NIPAL2: variants seen among roughly 807,000 people sequenced by gnomAD.
The protein encoded by NIPAL2 is NIPA-like protein 2.
NIPAL2 carries 43 observed loss-of-function variants against 48.9 expected under a neutral mutation model. The ratio of observed to expected loss-of-function variants is 0.88; its 90% CI spans 0.69 to 1.13. The LOEUF (loss-of-function observed/expected upper bound fraction) is 1.13, where lower values mean the gene tolerates loss of function less well. Among genes scored for constraint, NIPAL2 ranks in the 50% most tolerant of loss-of-function variants. The pLI, the probability that NIPAL2 is intolerant of heterozygous loss-of-function variation, is 0.00. For missense variants in NIPAL2, 446 were observed against 461.4 expected, an observed-to-expected ratio of 0.97 and a Z score of 0.31; for synonymous variants, 167 against 174.6, an observed-to-expected ratio of 0.96 and a Z score of 0.34.
intron 5 of NIPAL2, among the ~76,000 whole-genome samples, chr8:98,215,167 TA>T (rs1382167570): frequency 1.3e-5 from 2 of 152,248 alleles, no homozygotes; most frequent in Non-Finnish European, 2.9e-5. Context: ...AGGTATTTGT[TA>T]TCAGTTCTAG....
Position 98,224,903 on chromosome 8 carries a change from C to T in NIPAL2, c.437-2303G>A, listed in dbSNP as rs377054055. 4.6e-5 allele frequency among the ~76,000 whole-genome samples: 7 copies of T among 151,842 alleles called. 1 individual carries two copies. Among genetic ancestry groups the T allele is most frequent in the East Asian group, 1.9e-4 (1 of 5,160 alleles). Reference sequence around the variant, plus strand: ...TCCCGAGTAGCTGGGACTACAAGCACGTGCCACCACGCCCAGCTAATTTTT... The same window carrying T: ...TCCCGAGTAGCTGGGACTACAAGCATGTGCCACCACGCCCAGCTAATTTTT... On this transcript the variant is annotated intron_variant, in intron 4 of 10. Transcript: ENST00000430223.
intron 1 of NIPAL2, among the ~76,000 whole-genome samples, chr8:98,269,764 A>C (rs769766803): frequency 3.3e-5 from 5 of 152,028 alleles, no homozygotes; most frequent in African/African-American, 1.2e-4. Flanking sequence ...AGATGCTGAG[A>C]TTTGGGCTCG....
Position 98,294,211 on chromosome 8 carries a change from G to A in NIPAL2, c.-74C>T. On this transcript the variant is annotated 5_prime_UTR_variant, in exon 1 of 11. Coordinates refer to ENST00000430223, the MANE Select transcript of NIPAL2 (RefSeq NM_001321635.2). ...CCCCGCCCTGTTGCACCGCGAGGAG[G>A]CCGCGCCGCAGCCACTTCCTGCTCG... is the stretch of plus-strand genomic sequence containing the variant. The A allele has an allele frequency of 1.7e-6, 2 of 1,210,104 alleles. No homozygotes were observed. The highest frequency in any genetic ancestry group is 7.7e-5 in the South Asian group (2 of 26,096). The allele number at this position is 1,210,104 out of a possible 1,614,324, so 75.0% of individuals were successfully genotyped here.
At chr8:98,283,670 C>A (rs1353829859) in intron 1 of NIPAL2, among the ~76,000 whole-genome samples, 2 of 152,196 alleles carry the variant, frequency 1.3e-5, no homozygotes, top group Non-Finnish European at 2.9e-5. Context: ...TCTGCAAAAG[C>A]TGGATGCTGT....
chr8:98,217,832 T>C (rs962530089), intron 5 of NIPAL2, among the ~76,000 whole-genome samples: 1 of 152,198 alleles, frequency 6.6e-6, no homozygotes, highest in Non-Finnish European at 1.5e-5. Context: ...CAAATATACT[T>C]TCTTTATCTT....
intron 1 of NIPAL2, among the ~76,000 whole-genome samples, chr8:98,264,863 C>G (rs1166142351): frequency 6.6e-6 from 1 of 152,030 alleles, no homozygotes; most frequent in African/African-American, 2.4e-5. Context: ...AGGCATCACA[C>G]TACCTGACTT....
chr8:98,195,629 A>G (rs1810504741), intron 9 of NIPAL2: 1 of 207,152 alleles, frequency 4.8e-6, no homozygotes. Context: ...GGGGTTCCCA[A>G]GAGCGAAGTA....
rs369654389 is a variant in NIPAL2 at position 98,283,214 on chromosome 8, A to T, written c.135+10789T>A. On this transcript the variant is annotated intron_variant, in intron 1 of 10. Coordinates refer to ENST00000430223, the MANE Select transcript of NIPAL2 (RefSeq NM_001321635.2). Reference sequence around the variant, plus strand: ...TCTTTGTTTTTAAAAACAAAATTTCATTAAGAATAAGCCTGAGTTTTACTA... The same window carrying T: ...TCTTTGTTTTTAAAAACAAAATTTCTTTAAGAATAAGCCTGAGTTTTACTA... Among the ~76,000 whole-genome samples the T allele has an allele frequency of 1.8e-4, 28 of 152,348 alleles. No individual in the cohort carries two copies. The East Asian group carries it at 5.2e-3, about 28-fold the overall frequency.
intron 1 of NIPAL2, among the ~76,000 whole-genome samples, chr8:98,272,702 C>T (rs1190749328): frequency 6.6e-6 from 1 of 151,580 alleles, no homozygotes; most frequent in Non-Finnish European, 1.5e-5. Context: ...GCAATCTCCA[C>T]CTCCCGGGTT....
chr8:98,259,070 CTTTTTTTTT>C (rs869220202), intron 1 of NIPAL2, among the ~76,000 whole-genome samples: 1,132 of 41,888 alleles, frequency 0.027, 27 homozygotes, highest in African/African-American at 0.12. Flanking sequence ...TTAAATATTC[CTTTTTTTTT>C]TTTTTTTTTT....
intron 1 of NIPAL2, among the ~76,000 whole-genome samples, chr8:98,273,279 T>C (rs1815249663): frequency 6.6e-6 from 1 of 152,160 alleles, no homozygotes; most frequent in Non-Finnish European, 1.5e-5. Flanking sequence ...TCACAAATTA[T>C]ATGATTCTAT....
chr8:98,254,007 C>T lies in NIPAL2; in HGVS notation c.204+12G>A. The stretch of plus-strand genomic sequence containing the variant: ...CAATCTATAGTGTTAGAAAAATAAG[C>T]TTTTTTCTTACCTGAATATTTAGAG... On this transcript the variant is annotated intron_variant, in intron 2 of 10. Transcript: ENST00000430223. 1 of 1,589,718 alleles carries T rather than the reference C, an allele frequency of 6.3e-7. No individual in the cohort carries two copies. Among genetic ancestry groups the T allele is most frequent in the African/African-American group, 1.3e-5 (1 of 74,262 alleles).
At chr8:98,252,693 T>A (rs1489456153) in intron 2 of NIPAL2, 59 bp from the exon 3 acceptor site, 1 of 1,448,280 alleles carries the variant, frequency 6.9e-7, no homozygotes, top group Non-Finnish European at 9.3e-7. Flanking sequence ...GGAATGCCAC[T>A]TTTTTTCTTT....
At chr8:98,208,446 G>A (rs772349395) in intron 6 of NIPAL2, among the ~76,000 whole-genome samples, 10 of 152,042 alleles carry the variant, frequency 6.6e-5, no homozygotes, top group Admixed American at 2.0e-4. Context: ...ACCCAGAGGC[G>A]TTAGAGTACT....
intron 1 of NIPAL2, among the ~76,000 whole-genome samples, chr8:98,284,030 G>A (rs1466072281): frequency 1.3e-5 from 2 of 152,066 alleles, no homozygotes; most frequent in Non-Finnish European, 2.9e-5. Context: ...CCTCTAAAGG[G>A]CCAATCCTCA....
intron 10 of NIPAL2, among the ~76,000 whole-genome samples, chr8:98,194,094 A>G (rs2130678037): frequency 6.6e-6 from 1 of 152,302 alleles, no homozygotes; most frequent in East Asian, 1.9e-4. Flanking sequence ...AGGTCCCCCT[A>G]CATCCCCAGT....
intron 3 of NIPAL2, among the ~76,000 whole-genome samples, chr8:98,246,830 C>T (rs541929895): frequency 6.6e-6 from 1 of 152,250 alleles, no homozygotes; most frequent in South Asian, 2.1e-4. Context: ...CTCCTTGCCC[C>T]TGCAATGATC....
At chr8:98,196,351 G>A (rs1810548991) in intron 8 of NIPAL2, among the ~76,000 whole-genome samples, 1 of 152,134 alleles carries the variant, frequency 6.6e-6, no homozygotes, top group African/African-American at 2.4e-5. Context: ...GCAGTTTTAG[G>A]TCAGGGGTCA....
chr8:98,271,730 T>C (rs1484806144), intron 1 of NIPAL2, among the ~76,000 whole-genome samples: 2 of 152,124 alleles, frequency 1.3e-5, no homozygotes, highest in African/African-American at 4.8e-5. Flanking sequence ...TTATGTTGAA[T>C]AGGAGTGGTT....
Sources: gnomAD v4.1 joint callset for allele counts (sites outside exome capture counted in the v4.1 genomes callset) on GRCh38, gnomAD v4.1.1 for gene constraint, MANE v1.5 for transcripts, NCBI Gene and HGNC (gene_info 2026-07-23, HGNC 2026-07-21) for gene names.